CNGA4: variants seen among roughly 807,000 people sequenced by gnomAD.
CNGA4 encodes the protein cyclic nucleotide gated channel subunit alpha 4.
In CNGA4, 32 loss-of-function variants were observed where a neutral mutation model predicts 45.6. The ratio of observed to expected loss-of-function variants is 0.70; its 90% CI spans 0.53 to 0.94. The LOEUF (loss-of-function observed/expected upper bound fraction) is 0.94. CNGA4 is among the 40% of genes least tolerant of loss of function. The pLI, the probability that CNGA4 is intolerant of heterozygous loss-of-function variation, is 0.00. For missense variants in CNGA4, 726 were observed against 755.1 expected, an observed-to-expected ratio of 0.96 and a Z score of 0.45; for synonymous variants, 293 against 304.6, an observed-to-expected ratio of 0.96 and a Z score of 0.40.
In CNGA4 at chr11:6,239,271, G is replaced by A. The variant is rs1280238121; in HGVS notation, c.62+3G>A. 1.2e-5 allele frequency: 20 copies of A among 1,614,214 alleles called. No individual in the cohort carries two copies. The highest frequency in any genetic ancestry group is 1.7e-5 in the Non-Finnish European group (20 of 1,180,012). On this transcript the variant is annotated splice_donor_region_variant and intron_variant, in intron 1 of 5. Transcript: ENST00000379936. ...CCCCCAGCCCCATCCAAGGCCAGGT[G>A]AGAAGTCCTGGTCCCTTGTGTGGGA...
chr11:6,240,385 G>T lies in CNGA4; in HGVS notation c.591G>T (p.Gly197=). 1 of 1,614,208 alleles carries T rather than the reference G, an allele frequency of 6.2e-7. No individual in the cohort carries two copies. The part of the protein sequence containing the change: ...YFALSRYLGF[G]RDAWVYPDPA... Reference sequence around the variant, plus strand: ...CCCTATCCCGGTACCTGGGCTTCGGGCGTGACGCATGGGTGTACCCGGACC... The same window carrying T: ...CCCTATCCCGGTACCTGGGCTTCGGTCGTGACGCATGGGTGTACCCGGACC... Residue 197 remains glycine (G), a synonymous_variant, in exon 4 of 6, where the codon GGG becomes GGT. Coordinates refer to ENST00000379936, the MANE Select transcript of CNGA4 (RefSeq NM_001037329.4). The surrounding 1 kb of genome is among the most constrained non-coding windows in gnomAD (Gnocchi z 4.9).
upstream of CNGA4, chr11:6,235,392 A>G (rs1590646006): frequency 3.6e-6 from 3 of 828,390 alleles, no homozygotes; most frequent in Non-Finnish European, 4.4e-6. Context: ...TTCCGGATCA[A>G]TTAGAACCGG....
At chr11:6,244,585 T>TACACACACAC (rs59621297), downstream of CNGA4, among the ~76,000 whole-genome samples, 31 of 141,910 alleles carry the variant, frequency 2.2e-4, no homozygotes, top group Middle Eastern at 3.6e-3. This position sits in a 1 kb window ranked among gnomAD's most constrained non-coding sequence, Gnocchi z 4.5. Context: ...CACTTACCAG[T>TACACACACAC]ACACACACAC....
Position 6,240,744 on chromosome 11 carries a change from A to G in CNGA4, c.917+33A>G, listed in dbSNP as rs1351554756. ...GGCGGGGTTCCAGACCAGGACAGGG[A>G]CCAGTGTAGGTGATGGAACCTGAGG... On this transcript the variant is annotated intron_variant, in intron 4 of 5. Transcript: ENST00000379936. This position sits in a 1 kb window ranked among gnomAD's most constrained non-coding sequence, Gnocchi z 4.9. The G allele has an allele frequency of 6.3e-7, 1 of 1,595,968 alleles. No individual in the cohort carries two copies. The highest frequency in any genetic ancestry group is 8.5e-7 in the Non-Finnish European group (1 of 1,169,662).
chr11:6,241,593 G>A lies in CNGA4; in HGVS notation c.1080G>A (p.Leu360=), dbSNP rs1281935221. Reference sequence around the variant, plus strand: ...GTGAGGCCAGCCTGCTGGAGGAGCTGGTGCTGAAGCTGCAGCCCCAGACCT... The same window carrying A: ...GTGAGGCCAGCCTGCTGGAGGAGCTAGTGCTGAAGCTGCAGCCCCAGACCT... ...QNCEASLLEE[L]VLKLQPQTYS... Residue 360 remains leucine, a synonymous_variant, in exon 5 of 6, where the codon CTG becomes CTA. Transcript: ENST00000379936. 5.0e-6 allele frequency: 8 copies of A among 1,614,098 alleles called. No homozygotes were observed. The highest frequency in any genetic ancestry group is 1.3e-5 in the African/African-American group (1 of 74,930).
Position 6,244,240 on chromosome 11 carries a change from C to T in CNGA4, c.1559C>T (p.Ser520Phe). 6.2e-7 allele frequency: 1 copy of T among 1,614,166 alleles called. No individual in the cohort carries two copies. ...GCTCGCCTCCTGGCTGAGCTGGAGT[C>T]CAGCGCACTTAAGATTGCTTACCGC... ...KFARLLAELE[S>F]SALKIAYRIE... The change falls in exon 6 of 6, where the codon TCC (serine) becomes TTC (phenylalanine). Residue 520 changes from serine to phenylalanine, a missense_variant. Physicochemically the swap from Ser to Phe is radical, Grantham distance 155 (BLOSUM62 -2). Transcript: ENST00000379936. This position sits in a 1 kb window ranked among gnomAD's most constrained non-coding sequence, Gnocchi z 4.5.
downstream of CNGA4, among the ~76,000 whole-genome samples, chr11:6,244,717 G>T (rs936267559): frequency 6.6e-6 from 1 of 151,572 alleles, no homozygotes; most frequent in Admixed American, 6.6e-5. The surrounding 1 kb of genome is among the most constrained non-coding windows in gnomAD (Gnocchi z 4.5). Context: ...CAGCACACAT[G>T]CTTTCTCACA....
chr11:6,241,795 A>C lies in CNGA4; in HGVS notation c.1267+15A>C. 6.2e-7 allele frequency: 1 copy of C among 1,611,772 alleles called. No individual in the cohort carries two copies. The highest frequency in any genetic ancestry group is 8.5e-7 in the Non-Finnish European group (1 of 1,177,978). On this transcript the variant is annotated intron_variant, in intron 5 of 5. Coordinates refer to ENST00000379936, the MANE Select transcript of CNGA4 (RefSeq NM_001037329.4). Reference sequence around the variant, plus strand: ...CAACATCAAAGGTGGGTATCCCAGTATTTGTTCCAGGGACAAGGATGGGTG... The same window carrying C: ...CAACATCAAAGGTGGGTATCCCAGTCTTTGTTCCAGGGACAAGGATGGGTG...
At position 6,240,111 on chromosome 11, in the gene CNGA4, C is replaced by T. The variant is rs1364721825; in HGVS notation, c.317C>T (p.Ser106Leu). ...CTGGTGGTGGACAAGGGTAGGATCT[C>T]GAGTCGCTACGTTCGCACCTGGAGT... ...GILVVDKGRI[S>L]SRYVRTWSFF... The change falls in exon 4 of 6, where the codon TCG (serine) becomes TTG (leucine). Residue 106 changes from serine (S) to leucine (L), a missense_variant. By Grantham distance (145) the Ser-to-Leu change is moderately radical. Transcript: ENST00000379936. This position sits in a 1 kb window ranked among gnomAD's most constrained non-coding sequence, Gnocchi z 4.9. 2 of 1,613,564 alleles carry T rather than the reference C, an allele frequency of 1.2e-6. No individual in the cohort carries two copies. The highest frequency in any genetic ancestry group is 2.2e-5 in the East Asian group (1 of 44,884).
chr11:6,241,514 TG>T lies in CNGA4; in HGVS notation c.1003del (p.Ala335LeufsTer9), dbSNP rs765386605. On this transcript the variant is annotated frameshift_variant, in exon 5 of 6. Coordinates refer to ENST00000379936, the MANE Select transcript of CNGA4 (RefSeq NM_001037329.4). LOFTEE classifies it high-confidence loss of function. ...QHLPERLRAE[V>X]AVSVHLSTLS... is the part of the protein sequence containing the mutation. ...TTGCCTGAGCGGCTGCGGGCAGAAG[TG>T]GCTGTGTCTGTGCACCTGTCCACTC... 58 of 1,613,690 alleles carry T rather than the reference TG, an allele frequency of 3.6e-5. No individual in the cohort carries two copies. The highest frequency in any genetic ancestry group is 4.7e-5 in the Non-Finnish European group (56 of 1,179,644).
upstream of CNGA4, chr11:6,234,980 G>A (rs1847807445): frequency 6.5e-6 from 1 of 153,248 alleles, no homozygotes; most frequent in African/African-American, 2.4e-5. Flanking sequence ...AGGGCAGAAG[G>A]CGGGACCTAA....
At chr11:6,236,043 G>T (rs1254804541), upstream of CNGA4, among the ~76,000 whole-genome samples, 2 of 151,986 alleles carry the variant, frequency 1.3e-5, no homozygotes, top group African/African-American at 4.8e-5. Flanking sequence ...GTTAGGGGAA[G>T]ATGGATAAGG....
chr11:6,236,004 A>G (rs1459953955), upstream of CNGA4, among the ~76,000 whole-genome samples: 1 of 152,198 alleles, frequency 6.6e-6, no homozygotes, highest in Admixed American at 6.5e-5. Flanking sequence ...GGTTTTTATC[A>G]TTGTGCTATA....
At chr11:6,244,573 C>A, downstream of CNGA4, 1 of 592,354 alleles carries the variant, frequency 1.7e-6, no homozygotes, top group Non-Finnish European at 3.0e-6. This position sits in a 1 kb window ranked among gnomAD's most constrained non-coding sequence, Gnocchi z 4.5. Context: ...ACATTCAGCC[C>A]CCACTTACCA....
At chr11:6,237,177 A>G (rs755568704), upstream of CNGA4, among the ~76,000 whole-genome samples, 3 of 152,206 alleles carry the variant, frequency 2.0e-5, no homozygotes, top group Non-Finnish European at 4.4e-5. Context: ...GTCACACAAC[A>G]TCACTCCTGC....
Position 6,240,988 on chromosome 11 carries a change from G to T in CNGA4, c.917+277G>T, listed in dbSNP as rs1012720101. 9.2e-5 allele frequency among the ~76,000 whole-genome samples: 14 copies of T among 152,174 alleles called. No individual in the cohort carries two copies. The highest frequency in any genetic ancestry group is 1.5e-5 in the Non-Finnish European group (1 of 68,028). On this transcript the variant is annotated intron_variant, in intron 4 of 5. Coordinates refer to ENST00000379936, the MANE Select transcript of CNGA4 (RefSeq NM_001037329.4). The surrounding 1 kb of genome is among the most constrained non-coding windows in gnomAD (Gnocchi z 4.9). ...AGGGAATGGGAAGTGCCACTGCCTG[G>T]TAGGGCTCAGAAGGCTCTGGAAGGA...
chr11:6,235,519 T>C, upstream of CNGA4: 1 of 985,244 alleles, frequency 1.0e-6, no homozygotes, highest in Non-Finnish European at 1.2e-6. Flanking sequence ...GAGAGGAAGG[T>C]ACGGTGAAGG....
chr11:6,239,364 C>G lies in CNGA4; in HGVS notation c.63-20C>G. On this transcript the variant is annotated intron_variant, in intron 1 of 5. Transcript: ENST00000379936. ...TTGAATGCCTGGTGAATAAATGAAG[C>G]AAGACTTTCTTTCTTACAGGAAGTT... The G allele has an allele frequency of 6.2e-7, 1 of 1,613,060 alleles. No individual in the cohort carries two copies. Among genetic ancestry groups the G allele is most frequent in the Non-Finnish European group, 8.5e-7 (1 of 1,178,974 alleles).
upstream of CNGA4, among the ~76,000 whole-genome samples, chr11:6,235,996 T>G (rs112488822): frequency 0.032 from 4,858 of 152,144 alleles, 90 homozygotes; most frequent in African/African-American, 0.055. Context: ...AAATACCTGG[T>G]TTTTATCATT....
Sources: gnomAD v4.1 joint callset for allele counts (sites outside exome capture counted in the v4.1 genomes callset) on GRCh38, gnomAD v4.1.1 for gene constraint, Gnocchi (gnomAD v3.1) non-coding constraint, MANE v1.5 for transcripts, NCBI Gene and HGNC (gene_info 2026-07-23, HGNC 2026-07-21) for gene names.